CD55: variants seen among roughly 807,000 people sequenced by gnomAD.
The protein encoded by CD55 is complement decay-accelerating factor.
Under a neutral mutation model 45.8 loss-of-function variants are expected in CD55, and 41 were observed. That is an observed-to-expected ratio of 0.90 (90% CI 0.70 to 1.16). CD55 has a LOEUF of 1.16. CD55 is among the 50% of genes most tolerant of loss of function. The pLI, the probability that CD55 is intolerant of heterozygous loss-of-function variation, is 0.00. For missense variants in CD55, 416 were observed against 469.8 expected (o/e 0.89, Z 1.06); for synonymous variants, 181 against 181.1 (o/e 1.00, Z 0.01).
intron 6 of CD55, among the ~76,000 whole-genome samples, chr1:207,331,762 A>G (rs573427892): frequency 2.0e-5 from 3 of 152,284 alleles, no homozygotes; most frequent in East Asian, 1.9e-4. Flanking sequence ...CAGAATTTCT[A>G]TTATTATCCA....
intron 9 of CD55, among the ~76,000 whole-genome samples, chr1:207,352,353 G>C (rs28371633): frequency 6.6e-6 from 1 of 151,542 alleles, no homozygotes; most frequent in Non-Finnish European, 1.5e-5. Context: ...ATCAGTTTAT[G>C]TATCACATAT....
At chr1:207,326,334 C>G (rs1654680026) in intron 4 of CD55, among the ~76,000 whole-genome samples, 1 of 152,160 alleles carries the variant, frequency 6.6e-6, no homozygotes, top group African/African-American at 2.4e-5. Flanking sequence ...TATCACTTGT[C>G]TCCTATACGA....
At chr1:207,330,800 C>T (rs765906133) in intron 5 of CD55, among the ~76,000 whole-genome samples, 24 of 152,296 alleles carry the variant, frequency 1.6e-4, no homozygotes, top group Non-Finnish European at 2.6e-4. Flanking sequence ...ATTCACTTTT[C>T]CTAGCACCGT....
chr1:207,324,917 G>GT (rs1274836543), intron 3 of CD55, among the ~76,000 whole-genome samples, 167 bp downstream of exon 3: 1 of 152,218 alleles, frequency 6.6e-6, no homozygotes, highest in East Asian at 1.9e-4. Context: ...TATTTATGTG[G>GT]TAGGAATACT....
intron 9 of CD55, among the ~76,000 whole-genome samples, chr1:207,340,111 CCTCCCTCCTA>C (rs1396977992): frequency 6.6e-6 from 1 of 152,136 alleles, no homozygotes; most frequent in Non-Finnish European, 1.5e-5. Flanking sequence ...GTCTCTTCAT[CCTCCCTCCTA>C]CTCACACACT....
intron 1 of CD55, 59 bp downstream of exon 1, chr1:207,321,924 T>A: frequency 8.0e-7 from 1 of 1,254,832 alleles, no homozygotes; most frequent in South Asian, 1.4e-5. Flanking sequence ...TCCAAGTCGG[T>A]CTCTGAGACA....
intron 9 of CD55, chr1:207,354,394 TAA>T: frequency 3.9e-6 from 1 of 257,294 alleles, no homozygotes; most frequent in Non-Finnish European, 6.1e-6. Flanking sequence ...ACTGTGTTAA[TAA>T]TGAGAGGTGA....
chr1:207,333,754 AATAG>A (rs111910171), intron 6 of CD55, among the ~76,000 whole-genome samples: 4,506 of 152,284 alleles, frequency 0.03, 228 homozygotes, highest in African/African-American at 0.1. Context: ...TTAAGAACAC[AATAG>A]ATAGGTTTAG....
chr1:207,330,536 T>C (rs1201138668), intron 5 of CD55, among the ~76,000 whole-genome samples: 1 of 152,172 alleles, frequency 6.6e-6, no homozygotes, highest in Non-Finnish European at 1.5e-5. Context: ...AAATTTTTAC[T>C]CTAGAAGTCA....
chr1:207,359,863 G>C lies in CD55; in HGVS notation c.*253G>C, dbSNP rs1656229435. ...ATTGAGAGTGATTCCTTTCCTAAAA[G>C]TGTAAGAAAGCATAGAGATTTGTTC... On this transcript the variant is annotated 3_prime_UTR_variant, in exon 10 of 10. Coordinates refer to ENST00000367064, the MANE Select transcript of CD55 (RefSeq NM_000574.5). The C allele has an allele frequency of 2.8e-6, 1 of 353,472 alleles. No homozygotes were observed. The highest frequency in any genetic ancestry group is 5.0e-6 in the Non-Finnish European group (1 of 199,220). The allele number at this position is 353,472 out of a possible 1,614,324, so 21.9% of individuals were successfully genotyped here.
intron 9 of CD55, among the ~76,000 whole-genome samples, chr1:207,358,783 T>A (rs1338013334): frequency 6.6e-6 from 1 of 151,858 alleles, no homozygotes; most frequent in Non-Finnish European, 1.5e-5. Context: ...ATTGAATCTC[T>A]CATTACTATG....
At chr1:207,350,662 C>T (rs1655832471) in intron 9 of CD55, among the ~76,000 whole-genome samples, 1 of 152,092 alleles carries the variant, frequency 6.6e-6, no homozygotes, top group Non-Finnish European at 1.5e-5. Context: ...AAAATAGTCT[C>T]TGAGGGTGTT....
chr1:207,357,848 G>T (rs1656135264), intron 9 of CD55, among the ~76,000 whole-genome samples: 1 of 152,082 alleles, frequency 6.6e-6, no homozygotes, highest in South Asian at 2.1e-4. Context: ...TTTCCTGTAT[G>T]TACATACCTA....
intron 7 of CD55, chr1:207,337,119 C>T (rs912714505): frequency 6.6e-6 from 4 of 606,060 alleles, no homozygotes; most frequent in African/African-American, 1.9e-5. Context: ...ATATCAAAAA[C>T]CCTATCTACA....
intron 4 of CD55, among the ~76,000 whole-genome samples, chr1:207,326,523 C>T (rs1654688667): frequency 6.6e-6 from 1 of 152,158 alleles, no homozygotes. Flanking sequence ...AACATATTCC[C>T]CATGCAAATA....
intron 9 of CD55, among the ~76,000 whole-genome samples, chr1:207,343,510 A>G (rs549919753): frequency 3.3e-5 from 5 of 152,192 alleles, no homozygotes; most frequent in South Asian, 2.1e-4. Context: ...ATTAATTTCT[A>G]GTTTAATTCC....
At chr1:207,339,551 A>G in intron 9 of CD55, 134 bp downstream of exon 9, 3 of 702,774 alleles carry the variant, frequency 4.3e-6, no homozygotes, top group Non-Finnish European at 7.1e-6. Flanking sequence ...ACTTTTTAGT[A>G]TGGAAAACTT....
intron 9 of CD55, among the ~76,000 whole-genome samples, chr1:207,349,928 T>C (rs1655796065): frequency 6.6e-6 from 1 of 152,224 alleles, no homozygotes; most frequent in Non-Finnish European, 1.5e-5. Context: ...GACATCCTTG[T>C]CTTGTACTGG....
chr1:207,337,500 C>A, intron 8 of CD55, 91 bp downstream of exon 8: 1 of 744,804 alleles, frequency 1.3e-6, no homozygotes, highest in South Asian at 1.5e-5. Context: ...ATTAAATGGT[C>A]TCTAATTTAT....
Sources: allele counts gnomAD v4.1 joint callset (sites outside exome capture counted in the v4.1 genomes callset), GRCh38; gene constraint gnomAD v4.1.1; transcripts MANE v1.5; gene names NCBI Gene and HGNC (gene_info 2026-07-23, HGNC 2026-07-21).